COL25A1: variants seen among roughly 807,000 people sequenced by gnomAD.
COL25A1 encodes collagen type XXV alpha 1 chain.
Under a neutral mutation model 128.4 loss-of-function variants are expected in COL25A1, and 103 were observed. That is an observed-to-expected ratio of 0.80 (90% CI 0.68 to 0.94). The LOEUF is 0.94. COL25A1 is among the 40% of genes least tolerant of loss of function. The pLI is 0.00. For missense variants in COL25A1, 745 were observed against 840.0 expected (o/e 0.89, Z 1.40); for synonymous variants, 279 against 277.2 (o/e 1.01, Z -0.06).
intron 3 of COL25A1, among the ~76,000 whole-genome samples, chr4:109,247,258 G>A (rs763136450): frequency 6.6e-6 from 1 of 152,136 alleles, no homozygotes; most frequent in Non-Finnish European, 1.5e-5. Flanking sequence ...AGTGAAGCAG[G>A]AGAATGGCTT....
chr4:109,301,942 A>G lies in COL25A1; in HGVS notation c.78T>C (p.His26=), dbSNP rs1350508266. ...CACACGGGGGCATGGTCCGGGCACA[A>G]TGCTGTTCGGCAGGGGTCGGGTCCT... ...RSEDPTPAEQ[H]CARTMPPCAV... The change falls in exon 2 of 38, where the codon CAT becomes CAC. Residue 26 remains histidine, a synonymous_variant. Coordinates refer to ENST00000399132, the MANE Select transcript of COL25A1 (RefSeq NM_198721.4). The G allele has an allele frequency of 2.9e-5, 46 of 1,613,504 alleles. No homozygotes were observed. Among genetic ancestry groups the G allele is most frequent in the Non-Finnish European group, 3.9e-5 (46 of 1,179,950 alleles).
chr4:108,937,962 A>G, intron 10 of COL25A1, 119 bp from the exon 11 acceptor site: 1 of 743,082 alleles, frequency 1.3e-6, no homozygotes, highest in Non-Finnish European at 2.2e-6. Flanking sequence ...TTCAGGTTAA[A>G]TAGAGGAATG....
chr4:108,959,016 G>A (rs181244048), intron 8 of COL25A1, among the ~76,000 whole-genome samples: 1 of 152,080 alleles, frequency 6.6e-6, no homozygotes, highest in East Asian at 1.9e-4. Flanking sequence ...TGTGATCTAT[G>A]TGTTTGTATA....
chr4:108,834,566 T>A (rs1233420182), intron 31 of COL25A1, among the ~76,000 whole-genome samples: 1 of 151,678 alleles, frequency 6.6e-6, no homozygotes, highest in African/African-American at 2.4e-5. Context: ...AAAAAACACA[T>A]GACAAACACC....
intron 6 of COL25A1, among the ~76,000 whole-genome samples, chr4:109,008,426 C>T (rs1756247783): frequency 6.6e-6 from 1 of 152,174 alleles, no homozygotes; most frequent in Non-Finnish European, 1.5e-5. Context: ...GTCATTTCTC[C>T]ACTCTCTCAC....
chr4:109,096,297 A>G (rs901423737), intron 3 of COL25A1, among the ~76,000 whole-genome samples: 1 of 152,224 alleles, frequency 6.6e-6, no homozygotes, highest in African/African-American at 2.4e-5. Context: ...GGTCAATGAC[A>G]GACTGCATTT....
chr4:109,178,465 T>C (rs1324762355), intron 3 of COL25A1, among the ~76,000 whole-genome samples: 1 of 152,122 alleles, frequency 6.6e-6, no homozygotes, highest in Non-Finnish European at 1.5e-5. Flanking sequence ...GACCTTGAAT[T>C]TGTTAGCTAC....
intron 6 of COL25A1, among the ~76,000 whole-genome samples, chr4:109,001,424 G>GAGATCCTGTCAGGAAGGCATC (rs1561003582): frequency 5.4e-5 from 1 of 18,420 alleles, no homozygotes; most frequent in South Asian, 2.4e-3. Flanking sequence ...CAGGTAGGCA[G>GAGATCCTGTCAGGAAGGCATC]TGAGCTAGAG....
chr4:108,966,109 G>C (rs1001978389), intron 8 of COL25A1, among the ~76,000 whole-genome samples: 1 of 152,110 alleles, frequency 6.6e-6, no homozygotes, highest in African/African-American at 2.4e-5. Context: ...ATCCTTGGAG[G>C]GGGGCCAACA....
chr4:109,104,424 T>TC (rs1254646638), intron 3 of COL25A1, among the ~76,000 whole-genome samples: 3 of 117,388 alleles, frequency 2.6e-5, no homozygotes, highest in African/African-American at 8.0e-5. Context: ...CTCTCTTTTT[T>TC]GCAATCTGTA....
At chr4:109,230,311 G>A (rs1054262934) in intron 3 of COL25A1, among the ~76,000 whole-genome samples, 3 of 152,120 alleles carry the variant, frequency 2.0e-5, no homozygotes, top group South Asian at 2.1e-4. Context: ...TACCATCAAC[G>A]GGAAGTCCCT....
chr4:109,299,159 T>G (rs184083198), intron 3 of COL25A1, among the ~76,000 whole-genome samples: 234 of 152,300 alleles, frequency 1.5e-3, no homozygotes, highest in African/African-American at 5.5e-3. Flanking sequence ...AGTAAGAATA[T>G]TGTATACAAA....
chr4:109,208,483 T>TAAAAAAA (rs199675745), intron 3 of COL25A1, among the ~76,000 whole-genome samples: 2 of 138,308 alleles, frequency 1.4e-5, no homozygotes, highest in East Asian at 2.1e-4. Flanking sequence ...TATCAGTTAA[T>TAAAAAAA]AAAAAAAAAA....
intron 16 of COL25A1, among the ~76,000 whole-genome samples, chr4:108,893,615 G>A (rs1011585115): frequency 1.3e-5 from 2 of 151,950 alleles, no homozygotes; most frequent in Admixed American, 6.6e-5. Context: ...ATCCAAAGGC[G>A]CTGAGTTGAA....
chr4:109,265,661 G>A (rs1781739758), intron 3 of COL25A1, among the ~76,000 whole-genome samples: 1 of 151,666 alleles, frequency 6.6e-6, no homozygotes, highest in Non-Finnish European at 1.5e-5. Context: ...GTGATGTCAG[G>A]ACTCTCCTGA....
At chr4:108,987,643 G>C (rs564863597) in intron 6 of COL25A1, among the ~76,000 whole-genome samples, 10 of 152,052 alleles carry the variant, frequency 6.6e-5, no homozygotes, top group African/African-American at 2.2e-4. Flanking sequence ...CAAAGTGCTG[G>C]GATTACACAG....
At chr4:109,211,290 C>CTATATATATATATATATA (rs753994624) in intron 3 of COL25A1, among the ~76,000 whole-genome samples, 1 of 102,528 alleles carries the variant, frequency 9.8e-6, no homozygotes, top group Non-Finnish European at 2.4e-5. Flanking sequence ...ATATATGAAA[C>CTATATATATATATATATA]TATATATATA....
intron 3 of COL25A1, among the ~76,000 whole-genome samples, chr4:109,282,736 C>A (rs763019305): frequency 6.6e-6 from 1 of 152,126 alleles, no homozygotes; most frequent in Non-Finnish European, 1.5e-5. Context: ...ATTATGGGTT[C>A]ATAAAATTAG....
At chr4:109,299,147 C>A (rs1725268050) in intron 3 of COL25A1, among the ~76,000 whole-genome samples, 1 of 152,012 alleles carries the variant, frequency 6.6e-6, no homozygotes, top group Non-Finnish European at 1.5e-5. Context: ...TTTCACAGAG[C>A]TAGTAAGAAT....
Sources: allele counts gnomAD v4.1 joint callset (sites outside exome capture counted in the v4.1 genomes callset), GRCh38; gene constraint gnomAD v4.1.1; transcripts MANE v1.5; gene names NCBI Gene and HGNC (gene_info 2026-07-23, HGNC 2026-07-21).